The following CACNA1C variants were observed in gnomAD, a reference collection of about 807,000 sequenced individuals.
The protein encoded by CACNA1C is calcium voltage-gated channel subunit alpha1 C, also known as voltage-dependent L-type calcium channel subunit alpha-1C.
A neutral mutation model predicts 229.0 loss-of-function variants in CACNA1C; 30 were observed. The observed-to-expected ratio is 0.13, with a 90% CI of 0.10 to 0.18. The LOEUF is 0.18. Ranked by LOEUF, CACNA1C falls within the 10% of genes least tolerant of loss-of-function variation. The pLI is 1.00. For missense variants in CACNA1C, 1,658 were observed against 2,845.0 expected, an observed-to-expected ratio of 0.58 and a Z score of 9.49; for synonymous variants, 1,114 against 1,132.5, an observed-to-expected ratio of 0.98 and a Z score of 0.33.
chr12:2,220,533 T>C (rs2061199589), intron 3 of CACNA1C: 1 of 152,320 alleles, frequency 6.6e-6, no homozygotes, highest in African/African-American at 2.4e-5. Flanking sequence ...TGATACTAGG[T>C]TGGGTTCTCC....
rs2094471444 is a variant in CACNA1C, at chr12:2,647,414, T to C, written c.3913-1061T>C. 6.6e-6 allele frequency among the ~76,000 whole-genome samples: 1 copy of C among 152,076 alleles called. No homozygotes were observed. The highest frequency in any genetic ancestry group is 2.4e-5 in the African/African-American group (1 of 41,402). On this transcript the variant is annotated intron_variant, in intron 30 of 46. Coordinates refer to ENST00000399655, the MANE Select transcript of CACNA1C (RefSeq NM_000719.7). The surrounding 1 kb of genome is among the most constrained non-coding windows in gnomAD (Gnocchi z 4.2). ...TCCTCAGCTCCTACCCCCAAATGAG[T>C]TCAGCAGTCAGACCCGTGAGAACAG... is the stretch of plus-strand genomic sequence containing the variant.
At chr12:2,220,519 G>T (rs2061195706) in intron 3 of CACNA1C, 1 of 152,394 alleles carries the variant, frequency 6.6e-6, no homozygotes, top group Middle Eastern at 3.4e-3. Context: ...GTGTGAAGGG[G>T]TGCTGATACT....
chr12:2,077,375 A>G lies in CACNA1C; in HGVS notation c.49+23764A>G, dbSNP rs1002262284. On this transcript the variant is annotated intron_variant, in intron 1 of 46. Coordinates refer to ENST00000399655, the MANE Select transcript of CACNA1C (RefSeq NM_000719.7). ...TAGTCCAAGGTACATAATGTTTTAT[A>G]TCACAGTTTTAAATTTGTATTACTT... Among the ~76,000 whole-genome samples the G allele has an allele frequency of 7.9e-5, 12 of 151,142 alleles. 3 individuals are homozygous for G. Among genetic ancestry groups the G allele is most frequent in the Admixed American group, 5.3e-4 (8 of 15,128 alleles).
At chr12:2,024,020 G>A (rs1490940860) in intron 1 of CACNA1C, among the ~76,000 whole-genome samples, 1 of 152,174 alleles carries the variant, frequency 6.6e-6, no homozygotes, top group Non-Finnish European at 1.5e-5. Context: ...GCTAAGCCCT[G>A]CACTTAGTAC....
intron 45 of CACNA1C, among the ~76,000 whole-genome samples, chr12:2,686,534 G>C (rs2153836758): frequency 6.6e-6 from 1 of 152,352 alleles, no homozygotes; most frequent in Admixed American, 6.5e-5. Context: ...ACCCACAGCT[G>C]CAGGTTCCAC....
At chr12:2,449,156 T>C (rs2099328869) in intron 4 of CACNA1C, 41 bp downstream of exon 4, 4 of 1,444,130 alleles carry the variant, frequency 2.8e-6, no homozygotes, top group East Asian at 5.1e-5. Flanking sequence ...ATCTTACCAG[T>C]GTTGCGGGAC....
At chr12:2,523,110 G>A (rs957069739) in intron 9 of CACNA1C, among the ~76,000 whole-genome samples, 1 of 139,722 alleles carries the variant, frequency 7.2e-6, no homozygotes, top group Non-Finnish European at 1.6e-5. Context: ...GCAGGTGGAC[G>A]GAGAAAGGAG....
chr12:2,042,508 C>T (rs988844340), intron 1 of CACNA1C, among the ~76,000 whole-genome samples: 9 of 152,098 alleles, frequency 5.9e-5, no homozygotes, highest in Non-Finnish European at 8.8e-5. Context: ...ATATGTTGTC[C>T]GATTCAAGAG....
intron 1 of CACNA1C, among the ~76,000 whole-genome samples, chr12:2,107,469 C>T (rs1424399349): frequency 1.5e-4 from 13 of 87,668 alleles, no homozygotes; most frequent in African/African-American, 5.5e-4. Context: ...GCGCCCACCC[C>T]GGGGAGGGTT....
chr12:2,685,860 T>A lies in CACNA1C; in HGVS notation c.5680+18T>A, dbSNP rs2097431903. 1.3e-6 allele frequency: 2 copies of A among 1,564,796 alleles called. No homozygotes were observed. The highest frequency in any genetic ancestry group is 2.7e-5 in the African/African-American group (2 of 74,044). ...CTCACTAGGTAAATGCACCGCTCGC[T>A]CTCTGGATGTGGTCGGCGGTTACTC... On this transcript the variant is annotated intron_variant, in intron 44 of 46. Transcript: ENST00000399655.
chr12:2,238,051 C>G (rs1190854973), intron 3 of CACNA1C, among the ~76,000 whole-genome samples: 1 of 152,128 alleles, frequency 6.6e-6, no homozygotes, highest in Admixed American at 6.5e-5. Context: ...GTTTAAAAGC[C>G]AAACAATCCC....
intron 20 of CACNA1C, among the ~76,000 whole-genome samples, chr12:2,596,775 A>G (rs916128175): frequency 5.3e-5 from 8 of 152,306 alleles, no homozygotes; most frequent in African/African-American, 1.9e-4. Flanking sequence ...ATAGATGTCC[A>G]CCATCACAGG....
chr12:2,567,628 A>G lies in CACNA1C; in HGVS notation c.1729A>G (p.Ser577Gly), dbSNP rs772171893. The stretch of plus-strand genomic sequence containing the variant: ...GGCAGAGATGCTCCTGAAGATGTAC[A>G]GCCTGGGCCTGCAGGCCTACTTCGT... Reference protein sequence around the residue: ...FTAEMLLKMYSLGLQAYFVSL... With the variant: ...FTAEMLLKMYGLGLQAYFVSL... The change falls in exon 13 of 47, where the codon AGC (serine) becomes GGC (glycine). Residue 577 changes from serine to glycine, a missense_variant. Physicochemically the swap from Ser to Gly is moderately conservative, Grantham distance 56. Around this residue, in one of 20 missense-constraint regions of CACNA1C, gnomAD observed 149 missense variants for 194.2 expected, o/e 0.77. Coordinates refer to ENST00000399655, the MANE Select transcript of CACNA1C (RefSeq NM_000719.7). 2.5e-6 allele frequency: 4 copies of G among 1,611,464 alleles called. No individual in the cohort carries two copies. The Admixed American group carries it at 6.7e-5, about 27-fold the overall frequency.
At chr12:2,212,667 G>C (rs2097960337) in intron 3 of CACNA1C, among the ~76,000 whole-genome samples, 1 of 152,164 alleles carries the variant, frequency 6.6e-6, no homozygotes, top group Non-Finnish European at 1.5e-5. Flanking sequence ...CTAGAATGTT[G>C]ACTCTGTTAT....
intron 1 of CACNA1C, among the ~76,000 whole-genome samples, chr12:2,080,280 A>AAAAAAACAG (rs1283159112): frequency 2.2e-4 from 34 of 151,738 alleles, no homozygotes; most frequent in Middle Eastern, 3.4e-3. Flanking sequence ...AACAAAAACA[A>AAAAAAACAG]AAAAAACAAA....
At chr12:2,062,420 T>C (rs140858312) in intron 1 of CACNA1C, among the ~76,000 whole-genome samples, 6 of 152,374 alleles carry the variant, frequency 3.9e-5, no homozygotes, top group African/African-American at 1.4e-4. Flanking sequence ...AATTCAGGTC[T>C]GTCGGACTTT....
intron 3 of CACNA1C, among the ~76,000 whole-genome samples, chr12:2,236,161 C>T (rs2067271889): frequency 1.3e-5 from 2 of 152,168 alleles, no homozygotes; most frequent in Admixed American, 6.5e-5. Context: ...CACAGTGTCT[C>T]TCAGGACAGT....
chr12:2,460,513 T>C (rs1171383491), intron 5 of CACNA1C, among the ~76,000 whole-genome samples: 1 of 152,170 alleles, frequency 6.6e-6, no homozygotes, highest in Admixed American at 6.5e-5. Context: ...AAAGGAAGAA[T>C]TAGATTAGAT....
chr12:2,680,745 G>T (rs1248698193), intron 42 of CACNA1C, among the ~76,000 whole-genome samples: 5 of 152,260 alleles, frequency 3.3e-5, no homozygotes, highest in Non-Finnish European at 7.3e-5. Flanking sequence ...TGGGACTCAG[G>T]CATTTAATTG....
Sources: allele counts gnomAD v4.1 joint callset (sites outside exome capture counted in the v4.1 genomes callset), GRCh38; gene constraint gnomAD v4.1.1; regional missense constraint gnomAD v4.1.1; non-coding constraint Gnocchi (gnomAD v3.1); transcripts MANE v1.5; gene names NCBI Gene and HGNC (gene_info 2026-07-23, HGNC 2026-07-21).